The following MIPOL1 variants were observed in gnomAD, a reference collection of about 807,000 sequenced individuals.
MIPOL1 encodes mirror-image polydactyly 1.
In MIPOL1, 57 loss-of-function variants were observed where a neutral mutation model predicts 60.9. That is an observed-to-expected ratio of 0.94 (90% CI 0.76 to 1.17). The LOEUF is 1.17. MIPOL1 is among the 50% of genes most tolerant of loss of function. MIPOL1 has a pLI of 0.00. For missense variants in MIPOL1, 551 were observed against 511.6 expected, an observed-to-expected ratio of 1.08 and a Z score of -0.74; for synonymous variants, 179 against 168.8, an observed-to-expected ratio of 1.06 and a Z score of -0.47.
In MIPOL1 at chr14:37,218,138, TGTG is replaced by T. The variant is rs574260075; in HGVS notation, c.-199+20037_-199+20039del. Among the ~76,000 whole-genome samples the T allele has an allele frequency of 9.5e-3, 1,446 of 152,174 alleles. 11 individuals carry two copies. Among genetic ancestry groups the T allele is most frequent in the Middle Eastern group, 0.037 (11 of 294 alleles). On this transcript the variant is annotated intron_variant, in intron 1 of 12. Coordinates refer to ENST00000684589, the MANE Select transcript of MIPOL1 (RefSeq NM_001388067.1). ...TTCTTTCTTTTCTATTTTTAGTTAT[TGTG>T]GTAAGATAACATAATTTTCATGATT...
intron 10 of MIPOL1, chr14:37,385,727 A>T (rs1452486469): frequency 6.6e-6 from 1 of 152,112 alleles, no homozygotes; most frequent in Non-Finnish European, 1.5e-5. Flanking sequence ...TTTAAAAAAA[A>T]GATTTCTTCT....
At chr14:37,200,901 T>TGTG (rs551548144) in intron 1 of MIPOL1, among the ~76,000 whole-genome samples, 29 of 48,780 alleles carry the variant, frequency 5.9e-4, no homozygotes, top group Admixed American at 1.1e-3. Flanking sequence ...TGTGTGTGTA[T>TGTG]TTTTTTTTTT....
chr14:37,314,085 T>C (rs1392772606), intron 9 of MIPOL1, among the ~76,000 whole-genome samples: 2 of 152,196 alleles, frequency 1.3e-5, no homozygotes, highest in Non-Finnish European at 2.9e-5. Context: ...AAATTTATTA[T>C]CACTCTTTTA....
chr14:37,285,535 C>T (rs2084482927), intron 7 of MIPOL1, 88 bp downstream of exon 7: 4 of 1,304,312 alleles, frequency 3.1e-6, no homozygotes, highest in South Asian at 1.5e-5. Context: ...AAAAATGTGA[C>T]TTATGCTTAT....
intron 1 of MIPOL1, among the ~76,000 whole-genome samples, chr14:37,230,561 A>G (rs910719885): frequency 1.3e-5 from 2 of 152,140 alleles, no homozygotes; most frequent in Non-Finnish European, 2.9e-5. Flanking sequence ...TCTTTTTCCT[A>G]TGGGAAAATT....
At chr14:37,516,101 G>A (rs1242731963) in intron 12 of MIPOL1, among the ~76,000 whole-genome samples, 1 of 152,186 alleles carries the variant, frequency 6.6e-6, no homozygotes, top group Non-Finnish European at 1.5e-5. Context: ...GCTGCAGATG[G>A]TCACCTCCAG....
rs201268560 is a variant in MIPOL1, at chr14:37,392,791, C to T, written c.936+23167C>T. On this transcript the variant is annotated intron_variant, in intron 10 of 12. Transcript: ENST00000684589. ...CAGTTGGGCACAAAGGTAATTTGAA[C>T]TTATGAAATCAAAAATAGATATCAA... Among the ~76,000 whole-genome samples, 5 of 152,176 alleles carry T rather than the reference C, an allele frequency of 3.3e-5. No homozygotes were observed. The East Asian group carries it at 9.6e-4, about 29-fold the overall frequency.
intron 12 of MIPOL1, among the ~76,000 whole-genome samples, chr14:37,544,499 C>T (rs942070707): frequency 6.6e-6 from 1 of 152,176 alleles, no homozygotes; most frequent in Non-Finnish European, 1.5e-5. Context: ...GCAGCTGGAG[C>T]CTATTTTAGT....
At chr14:37,205,280 T>C (rs1298773775) in intron 1 of MIPOL1, among the ~76,000 whole-genome samples, 2 of 151,898 alleles carry the variant, frequency 1.3e-5, no homozygotes, top group African/African-American at 4.8e-5. Context: ...TTTTTTGTAT[T>C]TTTAGTAGAG....
chr14:37,529,383 G>A (rs945086408), intron 12 of MIPOL1, among the ~76,000 whole-genome samples: 2 of 152,082 alleles, frequency 1.3e-5, no homozygotes, highest in Admixed American at 6.6e-5. Context: ...CTTTGCCCAC[G>A]AGAATTTTAT....
At chr14:37,537,498 G>A (rs896187805) in intron 12 of MIPOL1, among the ~76,000 whole-genome samples, 10 of 152,102 alleles carry the variant, frequency 6.6e-5, no homozygotes, top group Admixed American at 3.3e-4. Context: ...GCCCACAGCC[G>A]AATCAATCAC....
chr14:37,322,761 C>T (rs748343125), intron 9 of MIPOL1, among the ~76,000 whole-genome samples: 4 of 151,780 alleles, frequency 2.6e-5, no homozygotes, highest in Non-Finnish European at 5.9e-5. Context: ...ATTTCTTGAC[C>T]GCATAAATGT....
intron 12 of MIPOL1, among the ~76,000 whole-genome samples, chr14:37,541,474 G>C (rs2095529359): frequency 6.6e-6 from 1 of 152,120 alleles, no homozygotes; most frequent in African/African-American, 2.4e-5. Context: ...AGAGCTGATG[G>C]GGGAAAAAAT....
intron 12 of MIPOL1, chr14:37,545,746 T>G: frequency 5.1e-6 from 3 of 591,086 alleles, no homozygotes; most frequent in Non-Finnish European, 9.0e-6. Flanking sequence ...CATTCCTCAG[T>G]GGAACTTCCA....
intron 12 of MIPOL1, among the ~76,000 whole-genome samples, chr14:37,519,637 C>T (rs1477721145): frequency 2.0e-5 from 3 of 151,782 alleles, no homozygotes; most frequent in Non-Finnish European, 4.4e-5. Context: ...CTTGAATACC[C>T]TATAAAAGAT....
At chr14:37,397,311 T>G (rs1833498982) in intron 10 of MIPOL1, among the ~76,000 whole-genome samples, 1 of 150,384 alleles carries the variant, frequency 6.6e-6, no homozygotes, top group Non-Finnish European at 1.5e-5. Context: ...CTGCACAGAG[T>G]CCTGTGATGT....
At chr14:37,297,898 T>G (rs950851047) in intron 7 of MIPOL1, among the ~76,000 whole-genome samples, 3 of 152,202 alleles carry the variant, frequency 2.0e-5, no homozygotes, top group Non-Finnish European at 4.4e-5. Flanking sequence ...ATTTATAGAT[T>G]TAATGCCATC....
intron 7 of MIPOL1, among the ~76,000 whole-genome samples, chr14:37,291,451 A>G (rs8006813): frequency 3.9e-5 from 6 of 152,194 alleles, no homozygotes; most frequent in African/African-American, 1.4e-4. Flanking sequence ...AATGTTATTT[A>G]TTTATTTTTG....
chr14:37,286,061 T>G (rs891809391), intron 7 of MIPOL1, among the ~76,000 whole-genome samples: 15 of 152,208 alleles, frequency 9.9e-5, no homozygotes, highest in African/African-American at 2.7e-4. Context: ...TATTATCTCC[T>G]CTTCTCCTCA....
Sources: gnomAD v4.1 joint callset for allele counts (sites outside exome capture counted in the v4.1 genomes callset) on GRCh38, gnomAD v4.1.1 for gene constraint, MANE v1.5 for transcripts, NCBI Gene and HGNC (gene_info 2026-07-23, HGNC 2026-07-21) for gene names.